The following LRRTM3 variants were observed in gnomAD, a reference collection of about 807,000 sequenced individuals.
LRRTM3 encodes leucine rich repeat transmembrane neuronal 3.
A neutral mutation model predicts 44.7 loss-of-function variants in LRRTM3; 24 were observed. The observed-to-expected ratio is 0.54, with a 90% CI of 0.39 to 0.76. LRRTM3 has a LOEUF of 0.76. Ranked by LOEUF, LRRTM3 falls within the 30% of genes least tolerant of loss-of-function variation. The pLI, the probability that LRRTM3 is intolerant of heterozygous loss-of-function variation, is 0.00. For missense variants in LRRTM3, 587 were observed against 702.2 expected, an observed-to-expected ratio of 0.84 and a Z score of 1.85; for synonymous variants, 277 against 278.7, an observed-to-expected ratio of 0.99 and a Z score of 0.06.
At position 66,927,075 on chromosome 10, in the gene LRRTM3, G is replaced by A. The variant is rs1400803280; in HGVS notation, c.159G>A (p.Gln53=). The A allele has an allele frequency of 6.2e-7, 1 of 1,614,058 alleles. No homozygotes were observed. The highest frequency in any genetic ancestry group is 8.5e-7 in the Non-Finnish European group (1 of 1,180,046). ...KMVYCESQKL[Q]EIPSSISAGC... is the part of the protein sequence containing the mutation. ...TATATTGTGAATCTCAGAAATTACAGGAGATACCCTCAAGTATATCTGCTG... is the reference window on the plus strand; with the variant it reads ...TATATTGTGAATCTCAGAAATTACAAGAGATACCCTCAAGTATATCTGCTG... Residue 53 remains glutamine, a synonymous_variant, in exon 2 of 3, where the codon CAG becomes CAA. Coordinates refer to ENST00000361320, the MANE Select transcript of LRRTM3 (RefSeq NM_178011.5). The surrounding 1 kb of genome is among the most constrained non-coding windows in gnomAD (Gnocchi z 4.7).
intron 2 of LRRTM3, among the ~76,000 whole-genome samples, chr10:66,931,670 T>G (rs1443919117): frequency 6.6e-6 from 1 of 151,874 alleles, no homozygotes; most frequent in African/African-American, 2.4e-5. Context: ...TTGAATTTTA[T>G]TTAATTCATT....
At chr10:67,088,977 T>C (rs906457596) in intron 2 of LRRTM3, among the ~76,000 whole-genome samples, 1 of 152,050 alleles carries the variant, frequency 6.6e-6, no homozygotes, top group Non-Finnish European at 1.5e-5. Context: ...TACAGTATAA[T>C]GACTACTTAG....
At chr10:66,949,368 C>A (rs1447409375) in intron 2 of LRRTM3, among the ~76,000 whole-genome samples, 4 of 151,948 alleles carry the variant, frequency 2.6e-5, no homozygotes, top group Non-Finnish European at 5.9e-5. Flanking sequence ...ACCAGCCTGA[C>A]CAACATGGAG....
At chr10:67,044,177 A>G (rs2133158209) in intron 2 of LRRTM3, among the ~76,000 whole-genome samples, 1 of 152,174 alleles carries the variant, frequency 6.6e-6, no homozygotes, top group Middle Eastern at 3.4e-3. Flanking sequence ...TCTCACTTAT[A>G]AGTGAGAACA....
At chr10:67,090,184 CT>C (rs1857546753) in intron 2 of LRRTM3, among the ~76,000 whole-genome samples, 1 of 152,042 alleles carries the variant, frequency 6.6e-6, no homozygotes. Flanking sequence ...CTGTCCCCAT[CT>C]TGAGTGTTTT....
chr10:66,955,212 C>T (rs890452117), intron 2 of LRRTM3, among the ~76,000 whole-genome samples: 2 of 151,508 alleles, frequency 1.3e-5, no homozygotes, highest in Admixed American at 6.6e-5. Context: ...GACTCAGGTA[C>T]AATATAAGAC....
chr10:66,930,422 A>T (rs970683790), intron 2 of LRRTM3, among the ~76,000 whole-genome samples: 10 of 152,312 alleles, frequency 6.6e-5, no homozygotes, highest in South Asian at 6.2e-4. Context: ...TACATTTTTC[A>T]TAAAGCATCA....
intron 2 of LRRTM3, among the ~76,000 whole-genome samples, chr10:67,046,041 A>T (rs1192203005): frequency 6.6e-6 from 1 of 152,194 alleles, no homozygotes; most frequent in African/African-American, 2.4e-5. Context: ...AGTGAAAAAG[A>T]AATACAACAA....
At chr10:66,965,325 A>C (rs1849341188) in intron 2 of LRRTM3, among the ~76,000 whole-genome samples, 1 of 152,046 alleles carries the variant, frequency 6.6e-6, no homozygotes, top group South Asian at 2.1e-4. Context: ...TCATGAGGTC[A>C]AGAGATCCAG....
At position 66,981,632 on chromosome 10, in the gene LRRTM3, C is replaced by T. The variant is rs569038023; in HGVS notation, c.1536+53180C>T. On this transcript the variant is annotated intron_variant, in intron 2 of 2. Coordinates refer to ENST00000361320, the MANE Select transcript of LRRTM3 (RefSeq NM_178011.5). ...TGGCATCTGTGGTTAATTTTTAGTA[C>T]AATATTGCACATATTGAATGGCAGT... 2.0e-5 allele frequency among the ~76,000 whole-genome samples: 3 copies of T among 152,292 alleles called. No individual in the cohort carries two copies. The South Asian group carries it at 6.2e-4, about 32-fold the overall frequency.
At chr10:67,044,485 T>A (rs1266016618) in intron 2 of LRRTM3, among the ~76,000 whole-genome samples, 1 of 152,160 alleles carries the variant, frequency 6.6e-6, no homozygotes, top group Non-Finnish European at 1.5e-5. Context: ...AAATGCAATG[T>A]TAGAAAGATC....
At chr10:66,991,674 C>T (rs1205822780) in intron 2 of LRRTM3, among the ~76,000 whole-genome samples, 1 of 152,088 alleles carries the variant, frequency 6.6e-6, no homozygotes, top group African/African-American at 2.4e-5. Context: ...GCCTCAGCCT[C>T]CTGAGTAGCT....
At chr10:66,978,655 G>T (rs753860321) in intron 2 of LRRTM3, among the ~76,000 whole-genome samples, 100 of 145,878 alleles carry the variant, frequency 6.9e-4, no homozygotes, top group Non-Finnish European at 1.3e-3. Flanking sequence ...GAAAAAAACA[G>T]AGCTGAAAGA....
At chr10:66,950,236 T>C (rs1848469504) in intron 2 of LRRTM3, among the ~76,000 whole-genome samples, 1 of 152,162 alleles carries the variant, frequency 6.6e-6, no homozygotes, top group Admixed American at 6.5e-5. Context: ...CCCATTCAAC[T>C]CTAATTGTAT....
At chr10:67,094,567 T>C (rs1332075925) in intron 2 of LRRTM3, among the ~76,000 whole-genome samples, 1 of 151,842 alleles carries the variant, frequency 6.6e-6, no homozygotes, top group Non-Finnish European at 1.5e-5. Flanking sequence ...TTGTCAAGCA[T>C]GGTGCCTCAT....
intron 2 of LRRTM3, among the ~76,000 whole-genome samples, chr10:67,079,365 G>A (rs566297193): frequency 7.7e-4 from 117 of 152,294 alleles, no homozygotes; most frequent in African/African-American, 2.6e-3. Flanking sequence ...GGAACACAGC[G>A]ATAGGGCAGT....
chr10:67,094,898 T>C (rs983430241), intron 2 of LRRTM3, among the ~76,000 whole-genome samples: 2 of 151,666 alleles, frequency 1.3e-5, no homozygotes, highest in African/African-American at 4.8e-5. Flanking sequence ...ATGAATCTTA[T>C]ATAGATGTCA....
Position 66,992,357 on chromosome 10 carries a change from T to C in LRRTM3, c.1536+63905T>C, listed in dbSNP as rs140808537. 5.1e-3 allele frequency among the ~76,000 whole-genome samples: 772 copies of C among 152,292 alleles called. 22 individuals carry two copies. The highest frequency in any genetic ancestry group is 0.043 in the Admixed American group (653 of 15,284). ...TTATATCCTTTGCCTATTTGTTGTT[T>C]CTTTGAGCTTCTCCCTCCTTCTCCT... is the stretch of plus-strand genomic sequence containing the variant. On this transcript the variant is annotated intron_variant, in intron 2 of 2. Transcript: ENST00000361320.
chr10:66,957,892 A>T (rs1419939879), intron 2 of LRRTM3, among the ~76,000 whole-genome samples: 2 of 152,036 alleles, frequency 1.3e-5, no homozygotes, highest in Admixed American at 6.6e-5. Flanking sequence ...TCCTTCTGCC[A>T]CCTGGACTTA....
Sources: allele counts gnomAD v4.1 joint callset (sites outside exome capture counted in the v4.1 genomes callset), GRCh38; gene constraint gnomAD v4.1.1; non-coding constraint Gnocchi (gnomAD v3.1); transcripts MANE v1.5; gene names NCBI Gene and HGNC (gene_info 2026-07-23, HGNC 2026-07-21).